NUMB: variants seen among roughly 807,000 people sequenced by gnomAD.
The protein encoded by NUMB is protein numb homolog.
In NUMB, 29 loss-of-function variants were observed where a neutral mutation model predicts 59.7. That is an observed-to-expected ratio of 0.49 (90% CI 0.36 to 0.66). NUMB has a LOEUF of 0.66. Among genes scored for constraint, NUMB ranks in the 30% least tolerant of loss-of-function variants. The pLI, the probability that NUMB is intolerant of heterozygous loss-of-function variation, is 0.00. For missense variants in NUMB, 723 were observed against 822.0 expected (o/e 0.88, Z 1.47); for synonymous variants, 288 against 288.2 (o/e 1.00, Z 0.01).
intron 2 of NUMB, among the ~76,000 whole-genome samples, chr14:73,408,042 A>C (rs1002702241): frequency 4.6e-5 from 7 of 152,148 alleles, no homozygotes; most frequent in African/African-American, 1.2e-4. Flanking sequence ...CCTGACCAAC[A>C]TGGTGAAACC....
chr14:73,394,166 G>A (rs1439931698), intron 2 of NUMB, among the ~76,000 whole-genome samples: 1 of 152,036 alleles, frequency 6.6e-6, no homozygotes, highest in African/African-American at 2.4e-5. Context: ...TGTTGGCCAG[G>A]CTGGTCTCGA....
intron 2 of NUMB, among the ~76,000 whole-genome samples, chr14:73,380,747 CAG>C (rs1895194044): frequency 7.9e-6 from 1 of 126,196 alleles, no homozygotes; most frequent in East Asian, 2.5e-4. Flanking sequence ...TTTTTTGAGA[CAG>C]AGTCTTGTTC....
intron 2 of NUMB, among the ~76,000 whole-genome samples, chr14:73,408,238 AG>A (rs1177826154): frequency 3.2e-5 from 2 of 61,834 alleles, no homozygotes; most frequent in African/African-American, 2.3e-4. Context: ...AAAAAAAAAA[AG>A]GAAAGAAAAA....
chr14:73,438,170 A>G (rs983219930), intron 1 of NUMB, among the ~76,000 whole-genome samples: 2 of 152,218 alleles, frequency 1.3e-5, no homozygotes, highest in African/African-American at 4.8e-5. Context: ...TGATAATTCC[A>G]CTTACAATAA....
At chr14:73,277,502 G>A (rs1445160868) in intron 12 of NUMB, among the ~76,000 whole-genome samples, 1 of 152,182 alleles carries the variant, frequency 6.6e-6, no homozygotes, top group Non-Finnish European at 1.5e-5. Flanking sequence ...ATGCTGCTGT[G>A]TCAGCCACAC....
chr14:73,392,249 TA>T (rs1319622082), intron 2 of NUMB, among the ~76,000 whole-genome samples: 1 of 152,210 alleles, frequency 6.6e-6, no homozygotes, highest in East Asian at 1.9e-4. Context: ...TTCTTGCCCC[TA>T]AATCTGTGCT....
chr14:73,304,219 C>T (rs17126671), intron 6 of NUMB, among the ~76,000 whole-genome samples: 4,517 of 152,320 alleles, frequency 0.03, 231 homozygotes, highest in African/African-American at 0.1. Context: ...ATAAAAGCTA[C>T]GTACAGTAAA....
chr14:73,443,159 A>C (rs1376759983), intron 1 of NUMB, among the ~76,000 whole-genome samples: 1 of 152,120 alleles, frequency 6.6e-6, no homozygotes, highest in Non-Finnish European at 1.5e-5. Flanking sequence ...GAGCCACTGC[A>C]CCCAGCCCTG....
At chr14:73,366,652 T>A (rs1052845112) in intron 3 of NUMB, among the ~76,000 whole-genome samples, 1 of 152,194 alleles carries the variant, frequency 6.6e-6, no homozygotes, top group Non-Finnish European at 1.5e-5. Context: ...GGCTAAAGGA[T>A]TCATACCCAA....
chr14:73,419,229 G>A (rs1897252607), intron 1 of NUMB, among the ~76,000 whole-genome samples: 1 of 152,140 alleles, frequency 6.6e-6, no homozygotes, highest in Non-Finnish European at 1.5e-5. Context: ...ATCTCAAGAG[G>A]GCTGGGCGCG....
At chr14:73,411,919 C>CTTTTTTTTTTTTTTTTTTTTTTTTTTTT (rs935625343) in intron 1 of NUMB, among the ~76,000 whole-genome samples, 1 of 106,820 alleles carries the variant, frequency 9.4e-6, no homozygotes, top group African/African-American at 3.6e-5. Context: ...CAGCAATTAA[C>CTTTTTTTTTTTTTTTTTTTTTTTTTTTT]TTTTTTTTTT....
intron 2 of NUMB, among the ~76,000 whole-genome samples, chr14:73,394,023 T>C (rs1244736669): frequency 2.0e-5 from 3 of 152,206 alleles, no homozygotes; most frequent in South Asian, 2.1e-4. Flanking sequence ...TGGAGTGCAA[T>C]TGCGCGATCT....
At chr14:73,377,406 G>A (rs574485380) in intron 2 of NUMB, among the ~76,000 whole-genome samples, 1 of 152,028 alleles carries the variant, frequency 6.6e-6, no homozygotes, top group Admixed American at 6.6e-5. Flanking sequence ...GGAGGCCAAG[G>A]GGGGCAGGCA....
At chr14:73,412,502 C>G (rs1595007691) in intron 1 of NUMB, among the ~76,000 whole-genome samples, 5 of 151,990 alleles carry the variant, frequency 3.3e-5, no homozygotes, top group Admixed American at 3.3e-4. Flanking sequence ...TGGCACATGC[C>G]TGTAATCCCA....
At chr14:73,314,522 T>C (rs145003613) in intron 6 of NUMB, among the ~76,000 whole-genome samples, 1 of 152,252 alleles carries the variant, frequency 6.6e-6, no homozygotes, top group East Asian at 1.9e-4. Context: ...CATGGCCCCA[T>C]TATACGTAGC....
intron 1 of NUMB, among the ~76,000 whole-genome samples, chr14:73,449,394 TTAATA>T (rs1299677847): frequency 2.0e-5 from 3 of 152,186 alleles, no homozygotes; most frequent in East Asian, 1.9e-4. Flanking sequence ...AGATTACTTA[TTAATA>T]TAATACCTAA....
chr14:73,332,683 A>T (rs1482914028), intron 4 of NUMB, among the ~76,000 whole-genome samples: 2 of 152,138 alleles, frequency 1.3e-5, no homozygotes, highest in Non-Finnish European at 2.9e-5. Flanking sequence ...AGCTATCCAG[A>T]GAAAAATATT....
chr14:73,399,157 A>C (rs1404693493), intron 2 of NUMB, among the ~76,000 whole-genome samples: 2 of 152,268 alleles, frequency 1.3e-5, no homozygotes, highest in Non-Finnish European at 1.5e-5. Context: ...TACGGATTAA[A>C]AACACATACA....
At chr14:73,457,001 T>C (rs1026812204) in intron 1 of NUMB, among the ~76,000 whole-genome samples, 18 of 152,040 alleles carry the variant, frequency 1.2e-4, no homozygotes, top group South Asian at 2.1e-4. Context: ...CACACGACTA[T>C]GTGCCAGTCA....
Sources: gnomAD v4.1 joint callset for allele counts (sites outside exome capture counted in the v4.1 genomes callset) on GRCh38, gnomAD v4.1.1 for gene constraint, MANE v1.5 for transcripts, NCBI Gene and HGNC (gene_info 2026-07-23, HGNC 2026-07-21) for gene names.